Variants in EXOC6 observed in about 807,000 individuals in gnomAD.
EXOC6 encodes SEC15-like 1.
EXOC6 carries 60 observed loss-of-function variants against 112.5 expected under a neutral mutation model. The ratio of observed to expected loss-of-function variants is 0.53; its 90% confidence interval spans 0.43 to 0.66. The LOEUF (loss-of-function observed/expected upper bound fraction) is 0.66. Ranked by LOEUF, EXOC6 falls within the 30% of genes least tolerant of loss-of-function variation. EXOC6 has a pLI of 0.00. For synonymous variants in EXOC6, 295 were observed against 308.0 expected (o/e 0.96, Z 0.44); for missense variants, 855 against 957.1 (o/e 0.89, Z 1.41).
chr10:92,920,718 A>G (rs1381954010), intron 8 of EXOC6, among the ~76,000 whole-genome samples: 1 of 151,874 alleles, frequency 6.6e-6, no homozygotes, highest in Non-Finnish European at 1.5e-5. Flanking sequence ...TGAATTGTCC[A>G]TTTTTTCTTT....
chr10:92,934,240 A>G (rs765074850), intron 10 of EXOC6, 50 bp downstream of exon 10: 1 of 1,529,818 alleles, frequency 6.5e-7, no homozygotes, highest in South Asian at 1.3e-5. Context: ...ATTATGTTAA[A>G]TGCCAGAAAT....
chr10:92,937,060 A>G (rs1222827750), intron 12 of EXOC6, among the ~76,000 whole-genome samples: 1 of 152,210 alleles, frequency 6.6e-6, no homozygotes, highest in East Asian at 1.9e-4. Context: ...TCAGAACTCA[A>G]TATTTTTGTG....
chr10:92,853,388 C>T (rs1221038462), intron 1 of EXOC6, among the ~76,000 whole-genome samples: 1 of 152,104 alleles, frequency 6.6e-6, no homozygotes, highest in Non-Finnish European at 1.5e-5. Context: ...TAGAAATTGA[C>T]AAGCTGATTC....
chr10:92,960,353 G>A (rs933940976), intron 17 of EXOC6, among the ~76,000 whole-genome samples: 15 of 152,162 alleles, frequency 9.9e-5, no homozygotes, highest in Non-Finnish European at 2.1e-4. Context: ...AGGAGTGAGG[G>A]AGTGGTGGAG....
intron 1 of EXOC6, among the ~76,000 whole-genome samples, chr10:92,855,732 C>G (rs1431142977): frequency 6.6e-6 from 1 of 151,774 alleles, no homozygotes; most frequent in African/African-American, 2.4e-5. Flanking sequence ...CTGTAACATT[C>G]TCTCTTTTGT....
At chr10:92,957,106 C>G (rs950334847) in intron 17 of EXOC6, among the ~76,000 whole-genome samples, 1 of 152,104 alleles carries the variant, frequency 6.6e-6, no homozygotes, top group Non-Finnish European at 1.5e-5. Flanking sequence ...TTTTTAGTTA[C>G]TTATTTATCC....
intron 1 of EXOC6, among the ~76,000 whole-genome samples, chr10:92,886,055 A>G (rs1248661290): frequency 6.6e-6 from 1 of 152,192 alleles, no homozygotes; most frequent in African/African-American, 2.4e-5. Flanking sequence ...AGACTGAAAG[A>G]ACGAAAAATT....
intron 17 of EXOC6, among the ~76,000 whole-genome samples, chr10:92,968,159 C>G (rs1457929534): frequency 6.7e-6 from 1 of 149,670 alleles, no homozygotes; most frequent in Non-Finnish European, 1.5e-5. Context: ...TATGACACCC[C>G]TTTCCACTGG....
chr10:92,903,372 A>C (rs905464373), intron 5 of EXOC6, among the ~76,000 whole-genome samples: 2 of 150,172 alleles, frequency 1.3e-5, no homozygotes, highest in African/African-American at 5.0e-5. Context: ...AGAATAAACA[A>C]ATTTTTTTTT....
chr10:92,916,954 C>T (rs1231258954), intron 7 of EXOC6, among the ~76,000 whole-genome samples: 14 of 151,306 alleles, frequency 9.3e-5, no homozygotes, highest in Admixed American at 9.2e-4. Context: ...AAGTGTAAAT[C>T]TAATTTTTCT....
chr10:93,056,247 A>G (rs974638952), intron 20 of EXOC6, among the ~76,000 whole-genome samples: 9 of 152,204 alleles, frequency 5.9e-5, no homozygotes, highest in African/African-American at 1.7e-4. Context: ...TGGAGATTAT[A>G]AAGTAAATAG....
At chr10:92,869,876 G>T (rs537276035) in intron 1 of EXOC6, among the ~76,000 whole-genome samples, 1 of 151,524 alleles carries the variant, frequency 6.6e-6, no homozygotes, top group Non-Finnish European at 1.5e-5. Flanking sequence ...TGAGACAGGG[G>T]GCATCTTTTT....
chr10:92,922,739 T>G (rs922663542), intron 8 of EXOC6, among the ~76,000 whole-genome samples: 1 of 152,218 alleles, frequency 6.6e-6, no homozygotes, highest in Non-Finnish European at 1.5e-5. Flanking sequence ...TCTCTGACTT[T>G]ACTTAGCTGG....
intron 18 of EXOC6, among the ~76,000 whole-genome samples, chr10:92,975,833 AGGTG>A (rs1842556875): frequency 7.5e-6 from 1 of 133,280 alleles, no homozygotes; most frequent in Non-Finnish European, 1.6e-5. Context: ...CCCGTCCGGG[AGGTG>A]AGGGGCGCCT....
upstream of EXOC6, among the ~76,000 whole-genome samples, chr10:92,843,600 A>G (rs980395931): frequency 4.6e-5 from 7 of 152,228 alleles, no homozygotes; most frequent in African/African-American, 1.7e-4. Flanking sequence ...CTGTAATCCC[A>G]GCACTTTGGG....
chr10:93,038,112 TG>T lies in EXOC6; in HGVS notation c.2170-18811del, dbSNP rs149150150. Among the ~76,000 whole-genome samples, 440 of 149,676 alleles carry T rather than the reference TG, an allele frequency of 2.9e-3. 1 individual carries two copies. The highest frequency in any genetic ancestry group is 0.01 in the African/African-American group (414 of 40,516). Reference sequence around the variant, plus strand: ...TTTGTTGACTGGAAATTTTTTTTTTTGTTACAGGTTTCTTTCAGTTTGGAGG... The same window carrying T: ...TTTGTTGACTGGAAATTTTTTTTTTTTTACAGGTTTCTTTCAGTTTGGAGG... On this transcript the variant is annotated intron_variant, in intron 20 of 21. Coordinates refer to ENST00000260762, the MANE Select transcript of EXOC6 (RefSeq NM_019053.6).
chr10:92,919,832 G>A (rs1195756487), intron 7 of EXOC6, 150 bp from the exon 8 acceptor site: 7 of 503,878 alleles, frequency 1.4e-5, no homozygotes, highest in Middle Eastern at 2.9e-4. Flanking sequence ...AGAAGGTTTT[G>A]CGTTTATAGT....
At chr10:93,027,371 TCTAA>T (rs1369547474) in intron 20 of EXOC6, among the ~76,000 whole-genome samples, 2 of 152,212 alleles carry the variant, frequency 1.3e-5, no homozygotes, top group Non-Finnish European at 2.9e-5. Context: ...ATCCAGAAGA[TCTAA>T]CTAAGATAAT....
intron 9 of EXOC6, among the ~76,000 whole-genome samples, chr10:92,931,115 G>GAAAA (rs60087746): frequency 9.6e-4 from 68 of 70,596 alleles, no homozygotes; most frequent in African/African-American, 1.6e-3. Context: ...CATCTCAGAA[G>GAAAA]AAAAAAAAAA....
Sources: gnomAD v4.1 joint callset for allele counts (sites outside exome capture counted in the v4.1 genomes callset) on GRCh38, gnomAD v4.1.1 for gene constraint, MANE v1.5 for transcripts, NCBI Gene and HGNC (gene_info 2026-07-23, HGNC 2026-07-21) for gene names.